UBE2B: variants seen among roughly 807,000 people sequenced by gnomAD.
UBE2B encodes the protein ubiquitin conjugating enzyme E2 B, also known as ubiquitin-conjugating enzyme E2 B.
In UBE2B, 11 loss-of-function variants were observed where a neutral mutation model predicts 24.6. The observed-to-expected ratio is 0.45, with a 90% CI of 0.28 to 0.74. UBE2B has a LOEUF of 0.74. Ranked by LOEUF, UBE2B falls within the 30% of genes least tolerant of loss-of-function variation. UBE2B has a pLI of 0.13. For missense variants in UBE2B, 78 were observed against 185.6 expected (o/e 0.42, Z 3.37); for synonymous variants, 68 against 62.4 (o/e 1.09, Z -0.42).
At position 134,382,619 on chromosome 5, in the gene UBE2B, C is replaced by G. The variant is rs12659320; in HGVS notation, c.241+1811C>G. Reference sequence around the variant, plus strand: ...TGAAACCCTGTCTCTACAAAAAATACAAAAATTAGCTGGGCACAGTGGTGC... The same window carrying G: ...TGAAACCCTGTCTCTACAAAAAATAGAAAAATTAGCTGGGCACAGTGGTGC... On this transcript the variant is annotated intron_variant, in intron 4 of 5. Coordinates refer to ENST00000265339, the MANE Select transcript of UBE2B (RefSeq NM_003337.4). 1.4e-4 allele frequency among the ~76,000 whole-genome samples: 21 copies of G among 151,696 alleles called. No homozygotes were observed. The East Asian group carries it at 4.1e-3, about 30-fold the overall frequency.
At chr5:134,383,358 G>C (rs1293314183) in intron 4 of UBE2B, among the ~76,000 whole-genome samples, 1 of 151,874 alleles carries the variant, frequency 6.6e-6, no homozygotes, top group African/African-American at 2.4e-5. Flanking sequence ...CACACAGGCT[G>C]GAGTACAGTC....
chr5:134,381,399 G>C (rs895267399), intron 4 of UBE2B, among the ~76,000 whole-genome samples: 1 of 152,142 alleles, frequency 6.6e-6, no homozygotes, highest in African/African-American at 2.4e-5. Flanking sequence ...GGGACGACAG[G>C]TGTGGACCAC....
chr5:134,374,632 C>A, intron 2 of UBE2B, 169 bp downstream of exon 2: 2 of 748,266 alleles, frequency 2.7e-6, no homozygotes, highest in Non-Finnish European at 2.2e-6. Flanking sequence ...TTTGGCCCAG[C>A]ACAGTAGTAG....
At chr5:134,374,289 C>A in intron 1 of UBE2B, 94 bp from the exon 2 acceptor site, 2 of 1,143,746 alleles carry the variant, frequency 1.7e-6, no homozygotes, top group Non-Finnish European at 2.6e-6. Flanking sequence ...TAGTCTGTGT[C>A]TCAAAATAGA....
chr5:134,385,899 C>G (rs1271748918), intron 4 of UBE2B, among the ~76,000 whole-genome samples: 2 of 151,584 alleles, frequency 1.3e-5, no homozygotes, highest in Non-Finnish European at 2.9e-5. Context: ...TGTAATCCCA[C>G]CTACTTGGGA....
chr5:134,375,208 G>C (rs768674794), intron 2 of UBE2B, among the ~76,000 whole-genome samples: 1 of 152,206 alleles, frequency 6.6e-6, no homozygotes, highest in Non-Finnish European at 1.5e-5. Flanking sequence ...AAGCGAAAAT[G>C]ATTCACAGCC....
intron 2 of UBE2B, 150 bp from the exon 3 acceptor site, chr5:134,376,519 G>C (rs937262965): frequency 1.4e-6 from 1 of 719,430 alleles, no homozygotes; most frequent in Non-Finnish European, 2.3e-6. Context: ...AAAATCCAGG[G>C]CTAAGGTGTT....
Position 134,390,358 on chromosome 5 carries a change from C to A in UBE2B, c.*5C>A, listed in dbSNP as rs1330468921. The A allele has an allele frequency of 1.2e-6, 2 of 1,613,868 alleles. No individual in the cohort carries two copies. Reference sequence around the variant, plus strand: ...CAAAGCTGGAATGATTCATAATAGACAACTGGTCTGTTAATCTTTTTCATC... The same window carrying A: ...CAAAGCTGGAATGATTCATAATAGAAAACTGGTCTGTTAATCTTTTTCATC... On this transcript the variant is annotated 3_prime_UTR_variant, in exon 6 of 6. Transcript: ENST00000265339. The surrounding 1 kb of genome is among the most constrained non-coding windows in gnomAD (Gnocchi z 4.6).
At chr5:134,374,282 T>C in intron 1 of UBE2B, 101 bp from the exon 2 acceptor site, 1 of 1,037,708 alleles carries the variant, frequency 9.6e-7, no homozygotes, top group South Asian at 1.4e-5. Context: ...ATGGAGTTAG[T>C]CTGTGTCTCA....
chr5:134,374,979 A>G (rs1703634406), intron 2 of UBE2B, among the ~76,000 whole-genome samples: 1 of 152,172 alleles, frequency 6.6e-6, no homozygotes. Flanking sequence ...CAGCAGTTAT[A>G]TAAAGTTTAT....
At chr5:134,372,755 A>C (rs1758500192) in intron 1 of UBE2B, among the ~76,000 whole-genome samples, 1 of 152,178 alleles carries the variant, frequency 6.6e-6, no homozygotes, top group African/African-American at 2.4e-5. Flanking sequence ...AATTTGCTTG[A>C]GATTGACTAA....
In UBE2B at chr5:134,374,534, T is replaced by G. The variant is rs1758565965; in HGVS notation, c.125+71T>G. ...AAGAAAAGTAAACATATAACAACTG[T>G]CTAGGAAAAGAAACTGAGGTGGAAT... On this transcript the variant is annotated intron_variant, in intron 2 of 5. Coordinates refer to ENST00000265339, the MANE Select transcript of UBE2B (RefSeq NM_003337.4). The G allele has an allele frequency of 2.0e-6, 3 of 1,486,486 alleles. No individual in the cohort carries two copies. In the East Asian group the frequency reaches 7.4e-5, roughly 37 times the overall value. 92.1% of individuals were successfully genotyped at this position (1,486,486 alleles called of 1,614,324 possible).
At chr5:134,374,880 T>C (rs955554885) in intron 2 of UBE2B, among the ~76,000 whole-genome samples, 33 of 152,034 alleles carry the variant, frequency 2.2e-4, no homozygotes, top group Non-Finnish European at 8.8e-5. Context: ...AGTTTGAGGC[T>C]GCAGTGTGCC....
chr5:134,383,438 T>C (rs892408984), intron 4 of UBE2B, among the ~76,000 whole-genome samples: 1 of 149,534 alleles, frequency 6.7e-6, no homozygotes, highest in Non-Finnish European at 1.5e-5. Flanking sequence ...GCCTCCTGAG[T>C]AGCTGGGACT....
At position 134,391,023 on chromosome 5, in the gene UBE2B, C is replaced by G. The variant is rs959083933; in HGVS notation, c.*670C>G. On this transcript the variant is annotated 3_prime_UTR_variant, in exon 6 of 6. Transcript: ENST00000265339. ...ACTCTGTCCAACTCTGTATTTAGGC[C>G]ATTTGTTACAGTTTCTTCATGCATT... 1 of 152,804 alleles carries G rather than the reference C, an allele frequency of 6.5e-6. No homozygotes were observed. Among genetic ancestry groups the G allele is most frequent in the Non-Finnish European group, 1.5e-5 (1 of 68,218 alleles). 9.5% of individuals were successfully genotyped at this position (152,804 alleles called of 1,614,324 possible). A position where few individuals can be genotyped will look rare whatever the true frequency, so the allele number is the denominator to read the frequency against.
chr5:134,381,763 G>A (rs1355583635), intron 4 of UBE2B, among the ~76,000 whole-genome samples: 2 of 152,130 alleles, frequency 1.3e-5, no homozygotes, highest in African/African-American at 4.8e-5. Flanking sequence ...GGCCAACATG[G>A]TGAAACCCCA....
At chr5:134,376,334 A>ATATATATATATAT (rs1561679532) in intron 2 of UBE2B, among the ~76,000 whole-genome samples, 1 of 4,260 alleles carries the variant, frequency 2.3e-4, no homozygotes, top group Non-Finnish European at 8.1e-4. Context: ...AAAAAAAAAA[A>ATATATATATATAT]AAAAAAAAAA....
chr5:134,376,702 A>G lies in UBE2B; in HGVS notation c.151+8A>G. 6.2e-7 allele frequency: 1 copy of G among 1,610,452 alleles called. No homozygotes were observed. Among genetic ancestry groups the G allele is most frequent in the East Asian group, 2.2e-5 (1 of 44,670 alleles). On this transcript the variant is annotated splice_region_variant and intron_variant, in intron 3 of 5. Coordinates refer to ENST00000265339, the MANE Select transcript of UBE2B (RefSeq NM_003337.4). ...GGACACCTTTTGAAGATGGTAAGTC[A>G]TACTCATTATGTTTTCTATAGTGTT...
At chr5:134,371,749 C>T in intron 1 of UBE2B, 110 bp downstream of exon 1, 1 of 1,497,318 alleles carries the variant, frequency 6.7e-7, no homozygotes, top group South Asian at 1.2e-5. Context: ...CGGCTGTGGG[C>T]CCAGCGGGAC....
Sources: gnomAD v4.1 joint callset for allele counts (sites outside exome capture counted in the v4.1 genomes callset) on GRCh38, gnomAD v4.1.1 for gene constraint, Gnocchi (gnomAD v3.1) non-coding constraint, MANE v1.5 for transcripts, NCBI Gene and HGNC (gene_info 2026-07-23, HGNC 2026-07-21) for gene names.